PHYHIPL: variants seen among roughly 807,000 people sequenced by gnomAD.
PHYHIPL encodes phytanoyl-CoA 2-hydroxylase interacting protein like, also known as phytanoyl-CoA hydroxylase-interacting protein-like.
Under a neutral mutation model 33.4 loss-of-function variants are expected in PHYHIPL, and 9 were observed. The ratio of observed to expected loss-of-function variants is 0.27; its 90% CI spans 0.16 to 0.47. PHYHIPL has a LOEUF of 0.47. Ranked by LOEUF, PHYHIPL falls within the 20% of genes least tolerant of loss-of-function variation. The pLI is 0.99. For synonymous variants in PHYHIPL, 153 were observed against 154.1 expected (o/e 0.99, Z 0.05); for missense variants, 365 against 460.7 (o/e 0.79, Z 1.90).
chr10:59,237,958 T>A (rs1840278313), intron 3 of PHYHIPL, among the ~76,000 whole-genome samples: 1 of 151,950 alleles, frequency 6.6e-6, no homozygotes, highest in African/African-American at 2.4e-5. Context: ...AATGAAGCAG[T>A]GAGTAAACAA....
chr10:59,183,464 A>G (rs889394781), intron 1 of PHYHIPL, among the ~76,000 whole-genome samples: 4 of 152,296 alleles, frequency 2.6e-5, no homozygotes, highest in African/African-American at 9.6e-5. Flanking sequence ...AGAAACATAT[A>G]TTCCACTAGG....
intron 1 of PHYHIPL, among the ~76,000 whole-genome samples, chr10:59,215,847 A>AG (rs908152141): frequency 6.8e-6 from 1 of 146,204 alleles, no homozygotes; most frequent in African/African-American, 2.5e-5. Context: ...AAAAAAAAAA[A>AG]CAGATTTTTG....
intron 1 of PHYHIPL, among the ~76,000 whole-genome samples, chr10:59,186,652 T>G (rs1361527192): frequency 2.0e-5 from 3 of 152,168 alleles, no homozygotes; most frequent in African/African-American, 7.2e-5. Context: ...TGAGCAGTGG[T>G]TTGTAGTTCT....
chr10:59,230,210 TTC>T, intron 1 of PHYHIPL, among the ~76,000 whole-genome samples: 1 of 76,140 alleles, frequency 1.3e-5, no homozygotes, highest in South Asian at 6.2e-4. Context: ...TAAAATTGCT[TTC>T]TTTTTTTTTT....
chr10:59,240,332 G>A (rs1441935416), intron 4 of PHYHIPL, among the ~76,000 whole-genome samples: 1 of 151,866 alleles, frequency 6.6e-6, no homozygotes, highest in Non-Finnish European at 1.5e-5. Context: ...ACTTGCAATG[G>A]GGTTATGTCC....
rs1266805459 is a variant in PHYHIPL, at chr10:59,176,726, C to T, written c.-128C>T. ...GCCCCGCGCCTCAGCCTCGGCGCCGCATCACCGCGTCCCAGGCCTCCTTCC... is the reference window on the plus strand; with the variant it reads ...GCCCCGCGCCTCAGCCTCGGCGCCGTATCACCGCGTCCCAGGCCTCCTTCC... On this transcript the variant is annotated 5_prime_UTR_variant, in exon 1 of 5. Transcript: ENST00000373880. The T allele has an allele frequency of 2.4e-6, 2 of 822,864 alleles. No individual in the cohort carries two copies. Among genetic ancestry groups the T allele is most frequent in the African/African-American group, 1.8e-5 (1 of 57,118 alleles). The allele number at this position is 822,864 out of a possible 1,614,324, so 51.0% of individuals were successfully genotyped here. A position where few individuals can be genotyped will look rare whatever the true frequency, so the allele number is the denominator to read the frequency against.
At chr10:59,182,002 T>C (rs1838424174) in intron 1 of PHYHIPL, among the ~76,000 whole-genome samples, 1 of 152,242 alleles carries the variant, frequency 6.6e-6, no homozygotes, top group Non-Finnish European at 1.5e-5. Context: ...TTATCTCTAC[T>C]GATATTTCTT....
intron 1 of PHYHIPL, among the ~76,000 whole-genome samples, chr10:59,181,902 G>A (rs997460939): frequency 1.3e-5 from 2 of 152,150 alleles, no homozygotes; most frequent in Non-Finnish European, 1.5e-5. Context: ...TATGTTTAAC[G>A]CTGGCAACTT....
chr10:59,185,519 A>G (rs547557122), intron 1 of PHYHIPL, among the ~76,000 whole-genome samples: 5 of 152,320 alleles, frequency 3.3e-5, no homozygotes, highest in Non-Finnish European at 2.9e-5. Context: ...TTCTAATTCT[A>G]GATCCCTGAG....
At chr10:59,175,264 T>C (rs1269537226), upstream of PHYHIPL, among the ~76,000 whole-genome samples, 2 of 152,258 alleles carry the variant, frequency 1.3e-5, no homozygotes, top group African/African-American at 4.8e-5. Flanking sequence ...TGAAGACTTT[T>C]CACTTTAAGA....
Position 59,247,698 on chromosome 10 carries a change from C to G in PHYHIPL, c.*2107C>G, listed in dbSNP as rs1194263007. 2 of 1,613,166 alleles carry G rather than the reference C, an allele frequency of 1.2e-6. No homozygotes were observed. The highest frequency in any genetic ancestry group is 2.2e-5 in the East Asian group (1 of 44,790). ...CTTTTATGTGCTTATATTCATAATA[C>G]TCATCTGCCATTGGTATCCTATCTT... On this transcript the variant is annotated 3_prime_UTR_variant, in exon 5 of 5. Transcript: ENST00000373880.
chr10:59,174,348 C>T (rs899848589), upstream of PHYHIPL, among the ~76,000 whole-genome samples: 2 of 152,208 alleles, frequency 1.3e-5, no homozygotes, highest in East Asian at 3.9e-4. Flanking sequence ...CTAAATCCTT[C>T]ATACTGGACT....
In PHYHIPL at chr10:59,244,737, T is replaced by C. The variant is rs982960753; in HGVS notation, c.597-320T>C. ...TCAGAAAGCCACTTCTGAAACCCAG[T>C]TGGCACTTAATGTATGTGTGATTTT... On this transcript the variant is annotated intron_variant, in intron 4 of 4. Transcript: ENST00000373880. Among the ~76,000 whole-genome samples, 9 of 152,140 alleles carry C rather than the reference T, an allele frequency of 5.9e-5. 1 individual carries two copies. Among genetic ancestry groups the C allele is most frequent in the Non-Finnish European group, 1.5e-5 (1 of 68,020 alleles).
At chr10:59,182,405 C>T (rs754117232) in intron 1 of PHYHIPL, among the ~76,000 whole-genome samples, 1 of 152,200 alleles carries the variant, frequency 6.6e-6, no homozygotes, top group Non-Finnish European at 1.5e-5. Flanking sequence ...TGCAGTGGCG[C>T]AGTCTTGGCT....
chr10:59,177,443 C>G, intron 1 of PHYHIPL: 1 of 1,499,482 alleles, frequency 6.7e-7, no homozygotes, highest in Non-Finnish European at 8.9e-7. Flanking sequence ...CCCAAATTAA[C>G]AAGTCTTTTT....
At chr10:59,205,721 G>A (rs1048781981) in intron 1 of PHYHIPL, among the ~76,000 whole-genome samples, 3 of 152,084 alleles carry the variant, frequency 2.0e-5, no homozygotes, top group Admixed American at 6.6e-5. Flanking sequence ...GGTCCTCATG[G>A]CACAGTCCCT....
intron 1 of PHYHIPL, chr10:59,221,704 C>T (rs999516498): frequency 5.1e-5 from 50 of 983,870 alleles, no homozygotes; most frequent in Non-Finnish European, 5.9e-5. Flanking sequence ...AGGATTAGCA[C>T]CACAGAGATA....
chr10:59,237,122 AT>A (rs1840250664), intron 3 of PHYHIPL, among the ~76,000 whole-genome samples: 1 of 151,058 alleles, frequency 6.6e-6, no homozygotes. Context: ...ATGTTACTAG[AT>A]TTTTCACTGG....
At chr10:59,187,026 A>AT (rs1420880879) in intron 1 of PHYHIPL, among the ~76,000 whole-genome samples, 1 of 152,196 alleles carries the variant, frequency 6.6e-6, no homozygotes, top group African/African-American at 2.4e-5. Flanking sequence ...GAGAGAGGGC[A>AT]TCCCTGTCTT....
Sources: allele counts gnomAD v4.1 joint callset (sites outside exome capture counted in the v4.1 genomes callset), GRCh38; gene constraint gnomAD v4.1.1; transcripts MANE v1.5; gene names NCBI Gene and HGNC (gene_info 2026-07-23, HGNC 2026-07-21).